NEDD1: variants seen among roughly 807,000 people sequenced by gnomAD.
The protein encoded by NEDD1 is protein NEDD1.
A neutral mutation model predicts 74.0 loss-of-function variants in NEDD1; 33 were observed. That is an observed-to-expected ratio of 0.45 (90% CI 0.34 to 0.60). The LOEUF (loss-of-function observed/expected upper bound fraction) is 0.60. NEDD1 is among the 20% of genes least tolerant of loss of function. The probability of loss-of-function intolerance (pLI) is 0.01; values close to 1 mark genes in which losing one functional copy is unlikely to be tolerated. For missense variants in NEDD1, 746 were observed against 776.5 expected, an observed-to-expected ratio of 0.96 and a Z score of 0.47; for synonymous variants, 250 against 264.4, an observed-to-expected ratio of 0.95 and a Z score of 0.53.
chr12:96,952,999 GA>G lies in NEDD1; in HGVS notation c.*949del, dbSNP rs1290816086. 6.6e-6 allele frequency: 1 copy of G among 151,014 alleles called. No homozygotes were observed. The allele number at this position is 151,014 out of a possible 1,614,324, so 9.4% of individuals were successfully genotyped here. On this transcript the variant is annotated 3_prime_UTR_variant, in exon 16 of 16. Coordinates refer to ENST00000266742, the MANE Select transcript of NEDD1 (RefSeq NM_152905.4). Reference sequence around the variant, plus strand: ...ATTGGCCTTACCATAAAATTATTTAGAAAGGTTGTCAAAATAAGTTATACCT... The same window carrying G: ...ATTGGCCTTACCATAAAATTATTTAGAAGGTTGTCAAAATAAGTTATACCT...
chr12:96,926,550 AT>A (rs771117247), intron 6 of NEDD1, among the ~76,000 whole-genome samples: 1,979 of 140,406 alleles, frequency 0.014, 33 homozygotes, highest in African/African-American at 0.031. Context: ...AACCTTTGGA[AT>A]TTTTTTTTTT....
intron 4 of NEDD1, among the ~76,000 whole-genome samples, chr12:96,916,455 T>C (rs1369397246): frequency 2.5e-5 from 3 of 119,410 alleles, no homozygotes; most frequent in Non-Finnish European, 5.1e-5. Context: ...CCTTCCTGTG[T>C]CCATGTGATC....
chr12:96,918,747 T>A (rs1223789789), intron 5 of NEDD1, among the ~76,000 whole-genome samples: 1 of 152,236 alleles, frequency 6.6e-6, no homozygotes, highest in Non-Finnish European at 1.5e-5. Context: ...GAATGACTTA[T>A]TCTCCACAGT....
At chr12:96,913,136 G>A (rs554272932) in intron 4 of NEDD1, among the ~76,000 whole-genome samples, 1 of 152,196 alleles carries the variant, frequency 6.6e-6, no homozygotes, top group South Asian at 2.1e-4. Context: ...TAGGTTACTA[G>A]GTTGACCTGA....
rs374338359 is a variant in NEDD1 at position 96,907,611 on chromosome 12, G to T, written c.-254G>T. 8.6e-5 allele frequency: 134 copies of T among 1,551,344 alleles called. No homozygotes were observed. The highest frequency in any genetic ancestry group is 1.2e-4 in the Non-Finnish European group (132 of 1,146,790). On this transcript the variant is annotated 5_prime_UTR_variant, in exon 2 of 16. Transcript: ENST00000266742. ...GTACTTTTCTTTTGGCAGGTACTTGGATGCATTTTACAGGTTAGCCTCACT... is the reference window on the plus strand; with the variant it reads ...GTACTTTTCTTTTGGCAGGTACTTGTATGCATTTTACAGGTTAGCCTCACT...
intron 9 of NEDD1, 121 bp from the exon 10 acceptor site, chr12:96,940,288 C>T: frequency 1.9e-6 from 1 of 521,096 alleles, no homozygotes; most frequent in Non-Finnish European, 3.4e-6. Flanking sequence ...TTTTATTCTC[C>T]TTATGCTCAT....
At chr12:96,923,378 TAGG>T (rs1474565332) in intron 6 of NEDD1, among the ~76,000 whole-genome samples, 1 of 152,184 alleles carries the variant, frequency 6.6e-6, no homozygotes. Flanking sequence ...AGTAAATACT[TAGG>T]AGTGGAATTG....
intron 14 of NEDD1, among the ~76,000 whole-genome samples, chr12:96,947,195 C>T (rs1180956961): frequency 6.6e-6 from 1 of 152,054 alleles, no homozygotes; most frequent in African/African-American, 2.4e-5. Context: ...ATTTTTAATA[C>T]ACAGTGTTAA....
chr12:96,943,398 A>G (rs1877860075), intron 11 of NEDD1, among the ~76,000 whole-genome samples, 162 bp from the exon 12 acceptor site: 1 of 152,170 alleles, frequency 6.6e-6, no homozygotes, highest in African/African-American at 2.4e-5. Context: ...CTTTTGCCCA[A>G]AAATACACAT....
intron 14 of NEDD1, among the ~76,000 whole-genome samples, chr12:96,949,712 G>A (rs1009238913): frequency 6.6e-6 from 1 of 151,994 alleles, no homozygotes; most frequent in Admixed American, 6.6e-5. Flanking sequence ...ACTGGCCAAA[G>A]GAATGAAATA....
At chr12:96,913,247 G>C (rs1442110975) in intron 4 of NEDD1, among the ~76,000 whole-genome samples, 3 of 152,088 alleles carry the variant, frequency 2.0e-5, no homozygotes, top group Non-Finnish European at 2.9e-5. Flanking sequence ...TTCAGATTCT[G>C]TCCACCTGTA....
At chr12:96,918,653 C>G (rs1440927810) in intron 5 of NEDD1, among the ~76,000 whole-genome samples, 1 of 152,174 alleles carries the variant, frequency 6.6e-6, no homozygotes. Context: ...GAAATCTAAT[C>G]TTTTACCTTT....
chr12:96,948,856 C>T (rs375370164), intron 14 of NEDD1, among the ~76,000 whole-genome samples: 4 of 152,186 alleles, frequency 2.6e-5, no homozygotes, highest in African/African-American at 9.7e-5. Context: ...TCTATTTTGC[C>T]AGCATCACAA....
chr12:96,929,258 C>T, intron 6 of NEDD1, among the ~76,000 whole-genome samples: 1 of 151,118 alleles, frequency 6.6e-6, no homozygotes, highest in Non-Finnish European at 1.5e-5. Flanking sequence ...AATTAGCCTT[C>T]ATTTTTGAAG....
intron 6 of NEDD1, among the ~76,000 whole-genome samples, chr12:96,933,518 G>A (rs1030318336): frequency 2.6e-5 from 4 of 152,060 alleles, no homozygotes; most frequent in African/African-American, 7.2e-5. Flanking sequence ...GACTATTCAA[G>A]TGGATATACT....
chr12:96,917,172 C>A (rs1419326559), intron 4 of NEDD1, among the ~76,000 whole-genome samples: 1 of 152,104 alleles, frequency 6.6e-6, no homozygotes, highest in Non-Finnish European at 1.5e-5. Flanking sequence ...AAAAACTTAT[C>A]CCATCGGTAA....
In NEDD1 at chr12:96,936,788, T is replaced by G; in HGVS notation, c.897T>G (p.Phe299Leu). 3 of 1,608,546 alleles carry G rather than the reference T, an allele frequency of 1.9e-6. No homozygotes were observed. Among genetic ancestry groups the G allele is most frequent in the Non-Finnish European group, 2.6e-6 (3 of 1,175,026 alleles). ...AGACATCTGTGCAGTGTATAGCATT[T>G]CAGTACTCCACTGTTCTTACTAAGG... ...AHKTSVQCIA[F>L]QYSTVLTKSS... Residue 299 changes from phenylalanine (F) to leucine (L), a missense_variant, in exon 8 of 16, where the codon TTT becomes TTG. Coordinates refer to ENST00000266742, the MANE Select transcript of NEDD1 (RefSeq NM_152905.4).
chr12:96,951,637 G>GTC lies in NEDD1; in HGVS notation c.1878+140_1878+141insCT, dbSNP rs1310964260. 965 of 544,674 alleles carry GTC rather than the reference G, an allele frequency of 1.8e-3. 7 individuals carry two copies. Among genetic ancestry groups the GTC allele is most frequent in the African/African-American group, 0.017 (857 of 51,034 alleles). 33.7% of individuals were successfully genotyped at this position (544,674 alleles called of 1,614,324 possible). A position where few individuals can be genotyped will look rare whatever the true frequency, so the allele number is the denominator to read the frequency against. Reference sequence around the variant, plus strand: ...ATAGGGAGTTTTATAGACTAAATAAGTAAAATAGATTTTAACTGGTCACCT... The same window carrying GTC: ...ATAGGGAGTTTTATAGACTAAATAAGTCTAAAATAGATTTTAACTGGTCACCT... On this transcript the variant is annotated intron_variant, in intron 15 of 15. Coordinates refer to ENST00000266742, the MANE Select transcript of NEDD1 (RefSeq NM_152905.4).
intron 7 of NEDD1, among the ~76,000 whole-genome samples, chr12:96,935,703 G>C (rs1877014316): frequency 6.6e-6 from 1 of 152,036 alleles, no homozygotes; most frequent in Non-Finnish European, 1.5e-5. Context: ...GTAGTAACCA[G>C]GGACAACCTG....
Sources: allele counts gnomAD v4.1 joint callset (sites outside exome capture counted in the v4.1 genomes callset), GRCh38; gene constraint gnomAD v4.1.1; transcripts MANE v1.5; gene names NCBI Gene and HGNC (gene_info 2026-07-23, HGNC 2026-07-21).